The following TNRC6B variants were observed in gnomAD, a reference collection of about 807,000 sequenced individuals.
TNRC6B encodes the protein trinucleotide repeat containing adaptor 6B, also known as trinucleotide repeat-containing gene 6B protein.
A neutral mutation model predicts 203.6 loss-of-function variants in TNRC6B; 52 were observed. The observed-to-expected ratio is 0.26, with a 90% CI of 0.20 to 0.32. TNRC6B has a LOEUF of 0.32. Among genes scored for constraint, TNRC6B ranks in the 10% least tolerant of loss-of-function variants. TNRC6B has a pLI of 1.00. For synonymous variants in TNRC6B, 838 were observed against 845.7 expected (o/e 0.99, Z 0.16); for missense variants, 1,923 against 2,286.2 (o/e 0.84, Z 3.24).
intron 1 of TNRC6B, among the ~76,000 whole-genome samples, chr22:40,235,259 A>G (rs957159823): frequency 2.0e-5 from 3 of 152,178 alleles, no homozygotes; most frequent in African/African-American, 7.2e-5. Context: ...AGTCCTTAGT[A>G]TGTAGATAGT....
intron 1 of TNRC6B, among the ~76,000 whole-genome samples, chr22:40,086,444 C>G (rs1294557948): frequency 6.6e-6 from 1 of 152,102 alleles, no homozygotes; most frequent in African/African-American, 2.4e-5. Context: ...GAGAGGAGCC[C>G]CTTCAAGTTG....
At chr22:40,307,296 T>C (rs1233509387) in intron 15 of TNRC6B, among the ~76,000 whole-genome samples, 2 of 152,116 alleles carry the variant, frequency 1.3e-5, no homozygotes, top group African/African-American at 4.8e-5. Flanking sequence ...GGGTATAGTG[T>C]GCAGTCTGGC....
intron 3 of TNRC6B, among the ~76,000 whole-genome samples, chr22:40,137,706 G>A (rs2068611397): frequency 6.6e-6 from 1 of 152,046 alleles, no homozygotes; most frequent in African/African-American, 2.4e-5. Context: ...TGGACCTGCC[G>A]GGCCTGGTGG....
chr22:40,315,510 G>A lies in TNRC6B; in HGVS notation c.4903+3G>A, dbSNP rs1427247714. 5 of 1,613,710 alleles carry A rather than the reference G, an allele frequency of 3.1e-6. No homozygotes were observed. The highest frequency in any genetic ancestry group is 3.4e-6 in the Non-Finnish European group (4 of 1,179,790). ...ACAGGACTCACGGCTCGCCTCGGGT[G>A]AGGAGGATCTGCCTAAAGGAACACC... On this transcript the variant is annotated splice_donor_region_variant and intron_variant, in intron 20 of 22. Transcript: ENST00000454349.
chr22:40,227,660 C>T (rs1009039356), intron 1 of TNRC6B, among the ~76,000 whole-genome samples: 2 of 152,040 alleles, frequency 1.3e-5, no homozygotes, highest in African/African-American at 4.8e-5. Context: ...CCTAAAATTA[C>T]CTTTTAATGG....
intron 12 of TNRC6B, among the ~76,000 whole-genome samples, chr22:40,299,463 T>C (rs982199509): frequency 6.6e-6 from 1 of 152,310 alleles, no homozygotes; most frequent in African/African-American, 2.4e-5. Flanking sequence ...GGTCTTGAAC[T>C]CTTGACCTCA....
Position 40,266,255 on chromosome 22 carries a change from A to C in TNRC6B, c.2025A>C (p.Gln675His). The C allele has an allele frequency of 6.3e-7, 1 of 1,597,750 alleles. No homozygotes were observed. Among genetic ancestry groups the C allele is most frequent in the Non-Finnish European group, 8.5e-7 (1 of 1,171,752 alleles). ...GWGDAPSQSN[Q>H]MKSGWGELSA... Reference sequence around the variant, plus strand: ...GAGATGCACCCAGCCAAAGCAATCAAATGAAGTCTGGATGGGGGGAGCTCT... The same window carrying C: ...GAGATGCACCCAGCCAAAGCAATCACATGAAGTCTGGATGGGGGGAGCTCT... Residue 675 changes from glutamine (Q) to histidine (H), a missense_variant, in exon 5 of 23, where the codon CAA (glutamine) becomes CAC (histidine). Physicochemically the swap from Gln to His is conservative, Grantham distance 24 (BLOSUM62 0). Transcript: ENST00000454349.
intron 1 of TNRC6B, among the ~76,000 whole-genome samples, chr22:40,049,035 A>G (rs1444012131): frequency 6.6e-6 from 1 of 152,018 alleles, no homozygotes; most frequent in Non-Finnish European, 1.5e-5. Flanking sequence ...TAATTTTTGT[A>G]TTTTTAGTAC....
chr22:40,141,721 G>GA lies in TNRC6B; in HGVS notation c.46-14390dup, dbSNP rs200378939. The stretch of plus-strand genomic sequence containing the variant: ...AGGAATCACCTGGGGTGCTTGTAAA[G>GA]AAAATAGAGATCCCAGGTCCCAGCT... On this transcript the variant is annotated intron_variant, in intron 3 of 23. Transcript: ENST00000301923. Among the ~76,000 whole-genome samples, 138 of 152,146 alleles carry GA rather than the reference G, an allele frequency of 9.1e-4. 4 individuals are homozygous for GA. In the East Asian group the frequency reaches 0.024, roughly 26 times the overall value.
chr22:40,181,704 C>A (rs1303231381), intron 1 of TNRC6B, among the ~76,000 whole-genome samples: 1 of 150,644 alleles, frequency 6.6e-6, no homozygotes, highest in African/African-American at 2.4e-5. Context: ...CTTTGGGAGT[C>A]CCAGGCAGGC....
intron 1 of TNRC6B, among the ~76,000 whole-genome samples, chr22:40,239,688 G>A (rs1009274840): frequency 6.6e-6 from 1 of 152,102 alleles, no homozygotes; most frequent in African/African-American, 2.4e-5. Flanking sequence ...GCATGGTCTC[G>A]GACCATTGGA....
At chr22:40,195,607 A>C (rs2069327164) in intron 1 of TNRC6B, among the ~76,000 whole-genome samples, 1 of 151,986 alleles carries the variant, frequency 6.6e-6, no homozygotes, top group Non-Finnish European at 1.5e-5. Flanking sequence ...CTACAGGTGC[A>C]CACCACCACA....
chr22:40,085,804 C>G (rs1239157676), intron 1 of TNRC6B, among the ~76,000 whole-genome samples: 1 of 152,022 alleles, frequency 6.6e-6, no homozygotes, highest in East Asian at 1.9e-4. Flanking sequence ...TATCCTAAGT[C>G]ATTTGTCTTT....
intron 1 of TNRC6B, among the ~76,000 whole-genome samples, chr22:40,083,234 C>A (rs1383751713): frequency 6.6e-6 from 1 of 152,146 alleles, no homozygotes; most frequent in African/African-American, 2.4e-5. Context: ...CTGTATCCCT[C>A]ACCAATCCCA....
chr22:40,124,558 C>G (rs2068471922), intron 2 of TNRC6B, among the ~76,000 whole-genome samples: 1 of 152,036 alleles, frequency 6.6e-6, no homozygotes, highest in Non-Finnish European at 1.5e-5. Flanking sequence ...CTCAAGCCAT[C>G]CACCTGCCTC....
intron 1 of TNRC6B, among the ~76,000 whole-genome samples, chr22:40,080,882 A>G (rs2068058746): frequency 6.8e-6 from 1 of 147,992 alleles, no homozygotes; most frequent in Non-Finnish European, 1.5e-5. Context: ...TTTGAGGCAG[A>G]GTCTCGCCGT....
upstream of TNRC6B, among the ~76,000 whole-genome samples, chr22:40,176,665 G>A (rs999110026): frequency 6.6e-6 from 1 of 152,146 alleles, no homozygotes; most frequent in Non-Finnish European, 1.5e-5. Flanking sequence ...TGAAGACGTG[G>A]TGTTTTTCCT....
rs6147625 is a variant in TNRC6B at position 40,097,669 on chromosome 22, TACACACACAC to T, written c.-120-19349_-120-19340del. On this transcript the variant is annotated intron_variant, in intron 1 of 23. Transcript: ENST00000301923. ...TTTCTCCATGCTTTCAGGTATATCA[TACACACACAC>T]ACACACACACACACACACACACACA... Among the ~76,000 whole-genome samples the T allele has an allele frequency of 3.6e-3, 487 of 135,638 alleles. 5 individuals are homozygous for T. The highest frequency in any genetic ancestry group is 0.011 in the African/African-American group (425 of 37,122). 89.0% of individuals were successfully genotyped at this position (135,638 alleles called of 152,430 possible). A position where few individuals can be genotyped will look rare whatever the true frequency, so the allele number is the denominator to read the frequency against.
In TNRC6B at chr22:40,218,440, C is replaced by T. The variant is rs541365276; in HGVS notation, c.6-27575C>T. ...CTCCTGGGCTCAGGCAATCTTCCTA[C>T]CTCAGCCTCTTGAGTAGCTGGGAGT... On this transcript the variant is annotated intron_variant, in intron 1 of 22. Coordinates refer to ENST00000454349, the MANE Select transcript of TNRC6B (RefSeq NM_001162501.2). Among the ~76,000 whole-genome samples, 117 of 147,638 alleles carry T rather than the reference C, an allele frequency of 7.9e-4. 1 individual carries two copies. Among genetic ancestry groups the T allele is most frequent in the Non-Finnish European group, 1.6e-3 (106 of 67,286 alleles).
Sources: allele counts gnomAD v4.1 joint callset (sites outside exome capture counted in the v4.1 genomes callset), GRCh38; gene constraint gnomAD v4.1.1; transcripts MANE v1.5; gene names NCBI Gene and HGNC (gene_info 2026-07-23, HGNC 2026-07-21).